Variants in JMY observed in about 807,000 individuals in gnomAD.
JMY encodes the protein junction-mediating and -regulatory protein.
Under a neutral mutation model 103.3 loss-of-function variants are expected in JMY, and 46 were observed. That is an observed-to-expected ratio of 0.45 (90% CI 0.35 to 0.57). The LOEUF (loss-of-function observed/expected upper bound fraction) is 0.57. Ranked by LOEUF, JMY falls within the 20% of genes least tolerant of loss-of-function variation. The pLI, the probability that JMY is intolerant of heterozygous loss-of-function variation, is 0.00. For synonymous variants in JMY, 526 were observed against 489.3 expected, an observed-to-expected ratio of 1.07 and a Z score of -0.99; for missense variants, 1,238 against 1,255.2, an observed-to-expected ratio of 0.99 and a Z score of 0.21.
intron 4 of JMY, among the ~76,000 whole-genome samples, chr5:79,295,229 G>A (rs79837656): frequency 0.013 from 1,946 of 152,270 alleles, 40 homozygotes; most frequent in African/African-American, 0.043. Flanking sequence ...TCAGCCATAT[G>A]TGGCTAATGA....
At chr5:79,260,318 A>C (rs892357244) in intron 1 of JMY, among the ~76,000 whole-genome samples, 3 of 152,164 alleles carry the variant, frequency 2.0e-5, no homozygotes, top group Admixed American at 6.5e-5. Flanking sequence ...CATGGGGCAC[A>C]GGAAACCCAC....
chr5:79,250,802 A>G lies in JMY; in HGVS notation c.1032+13120A>G, dbSNP rs950139151. Among the ~76,000 whole-genome samples, 6 of 151,752 alleles carry G rather than the reference A, an allele frequency of 4.0e-5. 1 individual carries two copies. The highest frequency in any genetic ancestry group is 1.5e-5 in the Non-Finnish European group (1 of 67,932). On this transcript the variant is annotated intron_variant, in intron 1 of 10. Coordinates refer to ENST00000396137, the MANE Select transcript of JMY (RefSeq NM_152405.5). Reference sequence around the variant, plus strand: ...GTTGGCATTTCTGATTAGTATTTTCATACTTACTCTAGCAAGATGTTGTAT... The same window carrying G: ...GTTGGCATTTCTGATTAGTATTTTCGTACTTACTCTAGCAAGATGTTGTAT...
intron 1 of JMY, among the ~76,000 whole-genome samples, chr5:79,246,883 A>G (rs1744921594): frequency 2.0e-5 from 3 of 149,078 alleles, no homozygotes; most frequent in Admixed American, 6.7e-5. Context: ...CACCATCTCA[A>G]AAAAAAAAAA....
At chr5:79,313,784 A>G (rs1459853047) in intron 8 of JMY, among the ~76,000 whole-genome samples, 1 of 152,232 alleles carries the variant, frequency 6.6e-6, no homozygotes, top group African/African-American at 2.4e-5. Context: ...CAAATAATAA[A>G]TTCATAATTG....
chr5:79,258,287 GA>G (rs1745308452), intron 1 of JMY, among the ~76,000 whole-genome samples: 1 of 149,128 alleles, frequency 6.7e-6, no homozygotes, highest in South Asian at 2.1e-4. Flanking sequence ...TATAAATTCA[GA>G]TATTAGGGCT....
Position 79,236,851 on chromosome 5 carries a change from C to T in JMY, c.201C>T (p.Gly67=), listed in dbSNP as rs1331121109. The change falls in exon 1 of 11, where the codon GGC becomes GGT. Residue 67 remains glycine, a synonymous_variant. Transcript: ENST00000396137. ...GGGAGCAAGCGGGGGCGCGAGGGGG[C>T]GCCGAGGCCGGCGGAGCTGCGTCCG... ...GSREQAGARG[G]AEAGGAASDG... 9.7e-6 allele frequency: 14 copies of T among 1,446,960 alleles called. No homozygotes were observed. Among genetic ancestry groups the T allele is most frequent in the Non-Finnish European group, 1.2e-5 (13 of 1,094,058 alleles). 89.6% of individuals were successfully genotyped at this position (1,446,960 alleles called of 1,614,324 possible). A position where few individuals can be genotyped will look rare whatever the true frequency, so the allele number is the denominator to read the frequency against.
intron 4 of JMY, among the ~76,000 whole-genome samples, chr5:79,292,457 C>CT (rs993490537): frequency 2.6e-5 from 4 of 151,674 alleles, no homozygotes; most frequent in African/African-American, 9.7e-5. Context: ...AGGCACGCAC[C>CT]CCCCCCAACA....
In JMY at chr5:79,236,907, GC is replaced by G; in HGVS notation, c.258del (p.Arg87GlyfsTer96). 7.4e-7 allele frequency: 1 copy of G among 1,357,040 alleles called. No homozygotes were observed. The highest frequency in any genetic ancestry group is 9.4e-7 in the Non-Finnish European group (1 of 1,059,640). 84.1% of individuals were successfully genotyped at this position (1,357,040 alleles called of 1,614,324 possible). ...DGSRGPGSPA[G>X]RGRPEATASA... ...AGCCGCGGGCCCGGCAGCCCGGCGG[GC>G]AGGGGTCGGCCCGAGGCCACTGCCT... On this transcript the variant is annotated frameshift_variant, in exon 1 of 11. Transcript: ENST00000396137. LOFTEE classifies it high-confidence loss of function.
At chr5:79,259,197 C>T (rs1745343813) in intron 1 of JMY, among the ~76,000 whole-genome samples, 2 of 152,110 alleles carry the variant, frequency 1.3e-5, no homozygotes, top group African/African-American at 4.8e-5. Flanking sequence ...GTGTCCAGCT[C>T]TCAGAAGAGA....
chr5:79,261,622 C>T (rs946232985), intron 1 of JMY, among the ~76,000 whole-genome samples: 1 of 152,154 alleles, frequency 6.6e-6, no homozygotes, highest in Admixed American at 6.6e-5. Flanking sequence ...CCCTAACCCC[C>T]CTTACATGAA....
intron 6 of JMY, 83 bp from the exon 7 acceptor site, chr5:79,306,292 T>G: frequency 1.1e-6 from 1 of 944,352 alleles, no homozygotes; most frequent in Non-Finnish European, 1.7e-6. Context: ...GTGGTATATA[T>G]TAAGATCAAA....
chr5:79,284,069 A>C, intron 2 of JMY: 1 of 1,058,382 alleles, frequency 9.4e-7, no homozygotes, highest in South Asian at 1.7e-5. Context: ...TTATTTTTTT[A>C]TTTTATTTTT....
Position 79,284,337 on chromosome 5 carries a change from C to G in JMY, c.1207-5784C>G, listed in dbSNP as rs148095011. ...ATAGATTGGCAAGCCTTTTCTATGT[C>G]TTTTCCAATGCTGTCTGGAATCAAT... On this transcript the variant is annotated intron_variant, in intron 2 of 10. Transcript: ENST00000396137. The G allele has an allele frequency of 1.5e-5, 20 of 1,321,342 alleles. No homozygotes were observed. In the African/African-American group the frequency reaches 2.9e-4, roughly 19 times the overall value. 81.9% of individuals were successfully genotyped at this position (1,321,342 alleles called of 1,614,324 possible).
At chr5:79,299,348 G>A (rs561374603) in intron 4 of JMY, among the ~76,000 whole-genome samples, 1 of 152,134 alleles carries the variant, frequency 6.6e-6, no homozygotes, top group South Asian at 2.1e-4. Context: ...TCTTTTATCT[G>A]CCTTTTTCCG....
chr5:79,263,446 T>C (rs1460200194), intron 1 of JMY, among the ~76,000 whole-genome samples: 1 of 152,160 alleles, frequency 6.6e-6, no homozygotes, highest in Non-Finnish European at 1.5e-5. Context: ...CAGGCTAGTG[T>C]GCAGTAGCGT....
rs7702523 is a variant in JMY at position 79,325,018 on chromosome 5, T to C, written c.*3416T>C. The stretch of plus-strand genomic sequence containing the variant: ...GTTGCAAAGCATACTTGGGCCATAG[T>C]AGACACTAAGAATTAAAACTCTTAA... On this transcript the variant is annotated 3_prime_UTR_variant, in exon 11 of 11. Coordinates refer to ENST00000396137, the MANE Select transcript of JMY (RefSeq NM_152405.5). 94,166 of 152,570 alleles carry C rather than the reference T, an allele frequency of 0.62. 29,701 individuals are homozygous for C. The highest frequency in any genetic ancestry group is 0.76 in the African/African-American group (31,580 of 41,508). The allele number at this position is 152,570 out of a possible 1,614,324, so 9.5% of individuals were successfully genotyped here.
At chr5:79,304,986 A>G (rs1359478494) in intron 6 of JMY, among the ~76,000 whole-genome samples, 2 of 152,226 alleles carry the variant, frequency 1.3e-5, no homozygotes, top group Admixed American at 1.3e-4. Context: ...TCACCAAGTC[A>G]TGACATTATC....
At chr5:79,266,692 G>GT (rs1401032044) in intron 1 of JMY, among the ~76,000 whole-genome samples, 1 of 152,040 alleles carries the variant, frequency 6.6e-6, no homozygotes, top group Non-Finnish European at 1.5e-5. Flanking sequence ...CCTTCTAACT[G>GT]TATTTTTGTA....
In JMY at chr5:79,237,089, A is replaced by G. The variant is rs934578765; in HGVS notation, c.439A>G (p.Lys147Glu). 6.5e-7 allele frequency: 1 copy of G among 1,546,966 alleles called. No homozygotes were observed. The highest frequency in any genetic ancestry group is 1.4e-5 in the African/African-American group (1 of 72,944). The part of the protein sequence containing the change: ...ESRLRSPVRA[K>E]PIPGQKTSEA... ...TCGTCTTAGGAGCCCAGTGCGGGCC[A>G]AACCCATCCCGGGTCAGAAAACATC... is the stretch of plus-strand genomic sequence containing the variant. Residue 147 changes from lysine to glutamate, a missense_variant, in exon 1 of 11, where the codon AAA becomes GAA. Coordinates refer to ENST00000396137, the MANE Select transcript of JMY (RefSeq NM_152405.5).
Sources: gnomAD v4.1 joint callset for allele counts (sites outside exome capture counted in the v4.1 genomes callset) on GRCh38, gnomAD v4.1.1 for gene constraint, MANE v1.5 for transcripts, NCBI Gene and HGNC (gene_info 2026-07-23, HGNC 2026-07-21) for gene names.